The following ASIC5 variants were observed in gnomAD, a reference collection of about 807,000 sequenced individuals.
ASIC5 encodes acid sensing ion channel subunit family member 5.
A neutral mutation model predicts 51.2 loss-of-function variants in ASIC5; 52 were observed. The ratio of observed to expected loss-of-function variants is 1.02; its 90% CI spans 0.81 to 1.28. The LOEUF (loss-of-function observed/expected upper bound fraction) is 1.28. Among genes scored for constraint, ASIC5 ranks in the 50% most tolerant of loss-of-function variants. The pLI is 0.00. For synonymous variants in ASIC5, 231 were observed against 200.7 expected (o/e 1.15, Z -1.28); for missense variants, 635 against 595.0 (o/e 1.07, Z -0.70).
At chr4:155,855,050 C>T (rs1176390635) in intron 2 of ASIC5, among the ~76,000 whole-genome samples, 2 of 152,064 alleles carry the variant, frequency 1.3e-5, no homozygotes, top group Non-Finnish European at 2.9e-5. Context: ...GAAAGACTTA[C>T]AAAGACTGCT....
rs573105756 is a variant in ASIC5, at chr4:155,842,334, A to G, written c.882T>C (p.Pro294=). 2.5e-6 allele frequency: 4 copies of G among 1,613,000 alleles called. No homozygotes were observed. The South Asian group carries it at 4.4e-5, about 18-fold the overall frequency. The change falls in exon 6 of 10, where the codon CCT becomes CCC. Residue 294 remains proline, a synonymous_variant. Transcript: ENST00000537611. ...TGATGTTAGGATTGCATTCTCCCCA[A>G]GGGTATTCTTGATGAACTGTCTTAA... The part of the protein sequence containing the change: ...RQVKTVHQEY[P]WGECNPNIKL...
chr4:155,836,525 C>T (rs1349616497), intron 8 of ASIC5, among the ~76,000 whole-genome samples, 164 bp downstream of exon 8: 2 of 151,964 alleles, frequency 1.3e-5, no homozygotes, highest in Non-Finnish European at 2.9e-5. Context: ...AAGATATGAT[C>T]TTATTTACTT....
At chr4:155,865,309 C>T (rs541087752) in intron 1 of ASIC5, among the ~76,000 whole-genome samples, 1 of 151,636 alleles carries the variant, frequency 6.6e-6, no homozygotes, top group Non-Finnish European at 1.5e-5. Flanking sequence ...TGGCATAATC[C>T]CAGAGAAAAA....
chr4:155,851,963 T>A (rs2111253800), intron 4 of ASIC5, among the ~76,000 whole-genome samples: 1 of 152,158 alleles, frequency 6.6e-6, no homozygotes, highest in East Asian at 1.9e-4. Context: ...GAGTCAATAA[T>A]TTAAGTCAGT....
chr4:155,855,885 G>A (rs987219683), intron 2 of ASIC5, among the ~76,000 whole-genome samples: 3 of 151,896 alleles, frequency 2.0e-5, no homozygotes, highest in African/African-American at 4.8e-5. Context: ...TGTAGAAAAC[G>A]TCCATTAATG....
At chr4:155,833,171 T>C (rs1302771546) in intron 8 of ASIC5, among the ~76,000 whole-genome samples, 2 of 152,284 alleles carry the variant, frequency 1.3e-5, no homozygotes, top group East Asian at 1.9e-4. Flanking sequence ...CCCTTAGATA[T>C]ATGTAAAATG....
chr4:155,866,052 T>A, intron 1 of ASIC5, 135 bp downstream of exon 1: 1 of 485,144 alleles, frequency 2.1e-6, no homozygotes, highest in Non-Finnish European at 3.6e-6. Flanking sequence ...TTTTAAAACT[T>A]ATATTACTTA....
At chr4:155,843,609 T>C (rs1741170617) in intron 5 of ASIC5, 72 bp downstream of exon 5, 4 of 1,511,756 alleles carry the variant, frequency 2.6e-6, no homozygotes, top group Non-Finnish European at 2.7e-6. Flanking sequence ...AAGGAATTTC[T>C]AGTGAAAAGC....
At chr4:155,856,892 T>C (rs1171033108) in intron 2 of ASIC5, among the ~76,000 whole-genome samples, 2 of 152,030 alleles carry the variant, frequency 1.3e-5, no homozygotes, top group Non-Finnish European at 2.9e-5. Context: ...GGAATTACTA[T>C]ACATATGGGA....
chr4:155,866,115 T>A, intron 1 of ASIC5, 72 bp downstream of exon 1: 1 of 930,862 alleles, frequency 1.1e-6, no homozygotes, highest in Non-Finnish European at 1.6e-6. Flanking sequence ...AGAAAAAAAA[T>A]CTCTCTTTTC....
At chr4:155,834,217 AC>A (rs1366029054) in intron 8 of ASIC5, among the ~76,000 whole-genome samples, 3 of 152,102 alleles carry the variant, frequency 2.0e-5, no homozygotes, top group African/African-American at 7.2e-5. Flanking sequence ...ATTTTGAGGT[AC>A]AGCAGCAGCC....
chr4:155,859,791 T>C (rs2110762151), intron 2 of ASIC5, among the ~76,000 whole-genome samples: 1 of 152,160 alleles, frequency 6.6e-6, no homozygotes, highest in East Asian at 1.9e-4. Context: ...TATAGAAAAG[T>C]ATTAACTTGT....
chr4:155,848,175 A>G (rs1741300243), intron 4 of ASIC5, among the ~76,000 whole-genome samples: 1 of 152,008 alleles, frequency 6.6e-6, no homozygotes, highest in Non-Finnish European at 1.5e-5. Flanking sequence ...TTAAAAAAAA[A>G]TCCTTGAGTT....
intron 2 of ASIC5, among the ~76,000 whole-genome samples, chr4:155,856,358 C>T (rs1044405838): frequency 3.0e-4 from 45 of 152,066 alleles, no homozygotes; most frequent in African/African-American, 1.1e-3. Context: ...TAAATCCTTT[C>T]TCAGTCAAGG....
intron 7 of ASIC5, among the ~76,000 whole-genome samples, chr4:155,838,029 A>G (rs1741027055): frequency 6.6e-6 from 1 of 152,146 alleles, no homozygotes; most frequent in South Asian, 2.1e-4. Flanking sequence ...TCAGCCTGTG[A>G]TCTACATAAA....
At chr4:155,840,446 T>C (rs992532612) in intron 6 of ASIC5, among the ~76,000 whole-genome samples, 1 of 147,358 alleles carries the variant, frequency 6.8e-6, no homozygotes, top group Non-Finnish European at 1.5e-5. Context: ...TAATATAATA[T>C]ATATTTTTTA....
chr4:155,852,201 T>C lies in ASIC5; in HGVS notation c.701A>G (p.Asn234Ser), dbSNP rs758176544. The change falls in exon 4 of 10, where the codon AAT becomes AGT. Residue 234 changes from asparagine (N) to serine (S), a missense_variant. Transcript: ENST00000537611. ...VSGRGLSLLF[N>S]VNQEAFTDNP... ...GAGAAAATTCAGTACCTGATTCACA[T>C]TGAAGAGTAAGCTCAAACCTCTTCC... is the stretch of plus-strand genomic sequence containing the variant. 47 of 1,611,898 alleles carry C rather than the reference T, an allele frequency of 2.9e-5. No homozygotes were observed. In the East Asian group the frequency reaches 8.3e-4, roughly 28 times the overall value.
At chr4:155,859,069 T>TATGTG (rs964377457) in intron 2 of ASIC5, among the ~76,000 whole-genome samples, 1 of 151,900 alleles carries the variant, frequency 6.6e-6, no homozygotes, top group African/African-American at 2.4e-5. Context: ...CCTGAGAAGG[T>TATGTG]ATGTGCCTTC....
chr4:155,855,098 G>GA lies in ASIC5; in HGVS notation c.348-785dup, dbSNP rs1484556711. On this transcript the variant is annotated intron_variant, in intron 2 of 9. Coordinates refer to ENST00000537611, the MANE Select transcript of ASIC5 (RefSeq NM_017419.3). ...GCAACGAAGTGGGGCTTAATCCCTA[G>GA]AAAAAAAGCCCTTTATTCTGTCATT... 3.3e-5 allele frequency among the ~76,000 whole-genome samples: 5 copies of GA among 151,868 alleles called. No homozygotes were observed. In the East Asian group the frequency reaches 7.8e-4, roughly 24 times the overall value.
Sources: gnomAD v4.1 joint callset for allele counts (sites outside exome capture counted in the v4.1 genomes callset) on GRCh38, gnomAD v4.1.1 for gene constraint, MANE v1.5 for transcripts, NCBI Gene and HGNC (gene_info 2026-07-23, HGNC 2026-07-21) for gene names.